SARNP: variants seen among roughly 807,000 people sequenced by gnomAD.
The protein encoded by SARNP is SAP domain-containing ribonucleoprotein.
SARNP carries 5 observed loss-of-function variants against 38.1 expected under a neutral mutation model. The ratio of observed to expected loss-of-function variants is 0.13; its 90% CI spans 0.07 to 0.28. The LOEUF is 0.28. Ranked by LOEUF, SARNP falls within the 10% of genes least tolerant of loss-of-function variation. The pLI is 1.00. For missense variants in SARNP, 180 were observed against 243.9 expected (o/e 0.74, Z 1.75); for synonymous variants, 84 against 80.6 (o/e 1.04, Z -0.23).
chr12:55,791,030 T>C (rs946209096), intron 7 of SARNP, among the ~76,000 whole-genome samples: 18 of 152,190 alleles, frequency 1.2e-4, no homozygotes, highest in Admixed American at 1.2e-3. Flanking sequence ...TGAATAGAGA[T>C]ACATGCTACA....
chr12:55,805,240 G>A (rs140506751), intron 1 of SARNP, among the ~76,000 whole-genome samples: 99 of 152,308 alleles, frequency 6.5e-4, no homozygotes, highest in African/African-American at 2.2e-3. Context: ...CAGCCTGGGC[G>A]AAAGTGCGAG....
chr12:55,773,766 A>G (rs1356815932), intron 9 of SARNP, among the ~76,000 whole-genome samples: 2 of 152,120 alleles, frequency 1.3e-5, no homozygotes, highest in Non-Finnish European at 2.9e-5. Flanking sequence ...GCTGGAGTGC[A>G]ATGGTGCGAT....
intron 9 of SARNP, among the ~76,000 whole-genome samples, chr12:55,785,680 T>C (rs1266910941): frequency 6.7e-6 from 1 of 150,280 alleles, no homozygotes; most frequent in Non-Finnish European, 1.5e-5. Context: ...GAGGGTGAGG[T>C]GGGAAAAATC....
At chr12:55,815,652 C>T (rs1485451302) in intron 1 of SARNP, among the ~76,000 whole-genome samples, 2 of 152,014 alleles carry the variant, frequency 1.3e-5, no homozygotes, top group Admixed American at 6.5e-5. Flanking sequence ...TTGGTAGAGG[C>T]GGGGTTTCGC....
At chr12:55,798,057 C>T (rs946475066) in intron 4 of SARNP, among the ~76,000 whole-genome samples, 2 of 152,198 alleles carry the variant, frequency 1.3e-5, no homozygotes, top group Non-Finnish European at 2.9e-5. Context: ...GATCTTCTTT[C>T]TTGTTCCAGA....
At chr12:55,799,785 C>T (rs1879926099) in intron 4 of SARNP, among the ~76,000 whole-genome samples, 1 of 151,228 alleles carries the variant, frequency 6.6e-6, no homozygotes, top group African/African-American at 2.4e-5. Context: ...AACTCCTGAC[C>T]TCGTAATCCA....
At chr12:55,762,851 C>T (rs965493115) in intron 9 of SARNP, among the ~76,000 whole-genome samples, 1 of 152,194 alleles carries the variant, frequency 6.6e-6, no homozygotes, top group Non-Finnish European at 1.5e-5. Context: ...GCTTTCTGTG[C>T]TCAATTTAAC....
chr12:55,782,532 T>C (rs927195254), intron 9 of SARNP, among the ~76,000 whole-genome samples: 3 of 152,180 alleles, frequency 2.0e-5, no homozygotes, highest in Admixed American at 6.5e-5. Context: ...TGACTACAAA[T>C]AGATTAACTG....
chr12:55,754,857 A>C (rs1229909069), downstream of SARNP: 1 of 152,194 alleles, frequency 6.6e-6, no homozygotes, highest in African/African-American at 2.4e-5. Context: ...GTAGAATAAG[A>C]AATTAAACCT....
chr12:55,805,483 G>A (rs1046778940), intron 1 of SARNP, among the ~76,000 whole-genome samples: 1 of 151,992 alleles, frequency 6.6e-6, no homozygotes, highest in Non-Finnish European at 1.5e-5. Flanking sequence ...AGGCCAAGGC[G>A]GGCAGATCAT....
At position 55,814,828 on chromosome 12, in the gene SARNP, C is replaced by T. The variant is rs944527929; in HGVS notation, c.36+2838G>A. On this transcript the variant is annotated intron_variant, in intron 1 of 10. Coordinates refer to ENST00000336133, the MANE Select transcript of SARNP (RefSeq NM_033082.4). ...AGGTTGCAGCGAGCCGAGATCTTGC[C>T]ACTGCACTCCAACCTGGGCGACAGA... 2.6e-5 allele frequency among the ~76,000 whole-genome samples: 4 copies of T among 151,568 alleles called. No homozygotes were observed. The East Asian group carries it at 5.8e-4, about 22-fold the overall frequency.
chr12:55,771,926 C>T (rs999362536), intron 9 of SARNP, among the ~76,000 whole-genome samples: 1 of 152,104 alleles, frequency 6.6e-6, no homozygotes, highest in South Asian at 2.1e-4. Context: ...ATGAAACACT[C>T]CAGGGTAAGC....
chr12:55,769,305 CTT>C (rs1173729529), intron 9 of SARNP, among the ~76,000 whole-genome samples: 2 of 152,122 alleles, frequency 1.3e-5, no homozygotes, highest in African/African-American at 4.8e-5. Flanking sequence ...TGAGTATCTA[CTT>C]TGGGTCAGGT....
intron 4 of SARNP, among the ~76,000 whole-genome samples, chr12:55,799,667 C>G (rs1175933267): frequency 6.7e-6 from 1 of 150,058 alleles, no homozygotes; most frequent in Non-Finnish European, 1.5e-5. Flanking sequence ...AATTCTCCTG[C>G]CTCAGCCTCC....
chr12:55,794,286 G>T (rs776179857), intron 7 of SARNP, 73 bp downstream of exon 7: 2 of 1,312,536 alleles, frequency 1.5e-6, no homozygotes, highest in Non-Finnish European at 2.2e-6. Context: ...TTATTTTGGA[G>T]AAATAAAACC....
intron 9 of SARNP, among the ~76,000 whole-genome samples, chr12:55,763,117 T>C (rs1301927721): frequency 6.6e-6 from 1 of 152,144 alleles, no homozygotes; most frequent in Admixed American, 6.5e-5. Flanking sequence ...AGCAAATCCA[T>C]AGCGGGTACC....
intron 1 of SARNP, among the ~76,000 whole-genome samples, chr12:55,817,310 G>A (rs544880996): frequency 6.6e-5 from 10 of 152,284 alleles, no homozygotes; most frequent in African/African-American, 2.4e-4. Context: ...AAGAAAAACG[G>A]ATCCTGGCTC....
chr12:55,812,794 T>C (rs1333227631), intron 1 of SARNP, among the ~76,000 whole-genome samples: 1 of 152,272 alleles, frequency 6.6e-6, no homozygotes, highest in Non-Finnish European at 1.5e-5. Context: ...TTGACATGCT[T>C]ATTCACTCAA....
At chr12:55,786,435 G>GGTTTGTTTGTTTGTTT (rs146930644) in intron 9 of SARNP, among the ~76,000 whole-genome samples, 2 of 150,862 alleles carry the variant, frequency 1.3e-5, no homozygotes, top group East Asian at 3.9e-4. Flanking sequence ...AGTGAGCTTT[G>GGTTTGTTTGTTTGTTT]GTTTGTTTGT....
Sources: gnomAD v4.1 joint callset for allele counts (sites outside exome capture counted in the v4.1 genomes callset) on GRCh38, gnomAD v4.1.1 for gene constraint, MANE v1.5 for transcripts, NCBI Gene and HGNC (gene_info 2026-07-23, HGNC 2026-07-21) for gene names.